YEATS2: variants seen among roughly 807,000 people sequenced by gnomAD.
YEATS2 encodes the protein YEATS domain containing 2.
In YEATS2, 77 loss-of-function variants were observed where a neutral mutation model predicts 163.2. That is an observed-to-expected ratio of 0.47 (90% CI 0.39 to 0.57). The LOEUF is 0.57. Among genes scored for constraint, YEATS2 ranks in the 20% least tolerant of loss-of-function variants. The pLI, the probability that YEATS2 is intolerant of heterozygous loss-of-function variation, is 0.00. For missense variants in YEATS2, 1,549 were observed against 1,729.8 expected (o/e 0.90, Z 1.85); for synonymous variants, 631 against 645.1 (o/e 0.98, Z 0.33).
In YEATS2 at chr3:183,807,092, G is replaced by A; in HGVS notation, c.4011G>A (p.Lys1337=). The change falls in exon 28 of 31, where the codon AAG becomes AAA. Residue 1337 remains lysine, a splice_region_variant and synonymous_variant. Coordinates refer to ENST00000305135, the MANE Select transcript of YEATS2 (RefSeq NM_018023.5). ...GSEFIGDVTQ[K]IGITLQPVAL... ...AATTTATTGGGGATGTCACACAGAA[G>A]GTAGGGGTTGTGGTGTTAATAGTTC... 6.2e-7 allele frequency: 1 copy of A among 1,611,560 alleles called. No homozygotes were observed. The highest frequency in any genetic ancestry group is 1.1e-5 in the South Asian group (1 of 90,434).
intron 1 of YEATS2, among the ~76,000 whole-genome samples, chr3:183,714,177 A>AC (rs1715570712): frequency 6.6e-6 from 1 of 151,424 alleles, no homozygotes; most frequent in South Asian, 2.1e-4. Flanking sequence ...GAGACAGTAA[A>AC]GGTCTAGAGG....
intron 1 of YEATS2, among the ~76,000 whole-genome samples, chr3:183,714,439 G>A (rs568897885): frequency 2.7e-4 from 40 of 149,006 alleles, no homozygotes; most frequent in South Asian, 2.2e-3. Flanking sequence ...CTCGTGATCC[G>A]CCCACCTCGG....
At chr3:183,733,418 T>C (rs2109138693) in intron 7 of YEATS2, among the ~76,000 whole-genome samples, 1 of 152,342 alleles carries the variant, frequency 6.6e-6, no homozygotes, top group African/African-American at 2.4e-5. Flanking sequence ...GCCATTCAGG[T>C]TGTATTCTTT....
chr3:183,706,685 G>T (rs749258600), intron 1 of YEATS2, among the ~76,000 whole-genome samples: 1 of 152,116 alleles, frequency 6.6e-6, no homozygotes, highest in African/African-American at 2.4e-5. Flanking sequence ...GCGCGGTGGC[G>T]CATACTTGTA....
intron 19 of YEATS2, among the ~76,000 whole-genome samples, chr3:183,780,952 C>T (rs1337764956): frequency 2.0e-5 from 3 of 152,032 alleles, no homozygotes; most frequent in African/African-American, 4.8e-5. Context: ...CATTCTGTTA[C>T]TCAATAAAAA....
intron 19 of YEATS2, among the ~76,000 whole-genome samples, chr3:183,784,711 C>T (rs778540466): frequency 6.6e-6 from 1 of 151,130 alleles, no homozygotes; most frequent in African/African-American, 2.4e-5. Flanking sequence ...ACGCTGTAAT[C>T]GTAGAGCCGA....
chr3:183,742,373 G>C (rs768523425), intron 8 of YEATS2, among the ~76,000 whole-genome samples: 1 of 152,142 alleles, frequency 6.6e-6, no homozygotes, highest in Admixed American at 6.6e-5. Context: ...ATTCATGAGA[G>C]GAGGTCAGAG....
intron 9 of YEATS2, 48 bp from the exon 10 acceptor site, chr3:183,752,025 T>C: frequency 6.2e-7 from 1 of 1,602,006 alleles, no homozygotes; most frequent in Non-Finnish European, 8.5e-7. Flanking sequence ...GAGCTTTCTG[T>C]GACATTGATG....
At chr3:183,753,641 C>T (rs764570926) in intron 10 of YEATS2, among the ~76,000 whole-genome samples, 3 of 152,082 alleles carry the variant, frequency 2.0e-5, no homozygotes, top group African/African-American at 4.8e-5. Context: ...CCAGCTATTC[C>T]GGAGGCTGAG....
rs1302118914 is a variant in YEATS2, at chr3:183,728,624, CTTAA to C, written c.651-62_651-59del. 14 of 1,403,252 alleles carry C rather than the reference CTTAA, an allele frequency of 1.0e-5. No individual in the cohort carries two copies. In the East Asian group the frequency reaches 2.0e-4, roughly 20 times the overall value. 86.9% of individuals were successfully genotyped at this position (1,403,252 alleles called of 1,614,324 possible). On this transcript the variant is annotated intron_variant, in intron 6 of 30. Coordinates refer to ENST00000305135, the MANE Select transcript of YEATS2 (RefSeq NM_018023.5). ...ACCTTGTTTTTAAGTTTAAGTAGGA[CTTAA>C]TTATTTAGTTAGGTTTTTGAAGGAC...
intron 19 of YEATS2, among the ~76,000 whole-genome samples, chr3:183,778,643 G>A (rs533458448): frequency 2.0e-5 from 3 of 151,746 alleles, no homozygotes; most frequent in African/African-American, 2.4e-5. Context: ...GGCGTGATCC[G>A]CTCCTGGCCT....
chr3:183,808,509 C>T (rs4296621), intron 29 of YEATS2, among the ~76,000 whole-genome samples: 2 of 152,224 alleles, frequency 1.3e-5, no homozygotes, highest in South Asian at 4.1e-4. Flanking sequence ...TTCCTTTCCT[C>T]GTGGATCCTC....
intron 17 of YEATS2, among the ~76,000 whole-genome samples, chr3:183,775,697 T>C (rs527357490): frequency 1.1e-4 from 16 of 152,342 alleles, no homozygotes; most frequent in Non-Finnish European, 1.8e-4. Context: ...TACAGTCAGT[T>C]GTCATGCAGT....
intron 26 of YEATS2, 28 bp downstream of exon 26, chr3:183,803,363 G>T (rs1379157921): frequency 1.9e-6 from 3 of 1,594,102 alleles, no homozygotes; most frequent in African/African-American, 1.3e-5. Context: ...GTCCACTCTG[G>T]CTGCCTCCAG....
intron 1 of YEATS2, among the ~76,000 whole-genome samples, chr3:183,701,104 A>AG (rs1232154669): frequency 6.7e-6 from 1 of 148,822 alleles, no homozygotes; most frequent in Non-Finnish European, 1.5e-5. Flanking sequence ...TTTTTTGAGA[A>AG]GGAGTCTCGC....
rs74412722 is a variant in YEATS2 at position 183,801,713 on chromosome 3, G to A, written c.3502+185G>A. ...ATTCACATCCAGTTAGTTTTTTATT[G>A]TTTTCACTGTGTTGATCTGTAGAAG... On this transcript the variant is annotated intron_variant, in intron 25 of 30. Coordinates refer to ENST00000305135, the MANE Select transcript of YEATS2 (RefSeq NM_018023.5). The A allele has an allele frequency of 2.3e-3, 1,143 of 504,210 alleles. 7 individuals carry two copies. The highest frequency in any genetic ancestry group is 0.02 in the African/African-American group (1,030 of 50,778). 31.2% of individuals were successfully genotyped at this position (504,210 alleles called of 1,614,324 possible). A position where few individuals can be genotyped will look rare whatever the true frequency, so the allele number is the denominator to read the frequency against.
intron 6 of YEATS2, among the ~76,000 whole-genome samples, chr3:183,724,934 G>T (rs756946850): frequency 6.6e-6 from 1 of 151,786 alleles, no homozygotes; most frequent in African/African-American, 2.4e-5. Context: ...GTAGAGACGG[G>T]GTTTCTCCAT....
chr3:183,701,166 C>T (rs1714052077), intron 1 of YEATS2, among the ~76,000 whole-genome samples: 1 of 146,500 alleles, frequency 6.8e-6, no homozygotes, highest in Non-Finnish European at 1.5e-5. Flanking sequence ...TCTGCAAGCT[C>T]TGCCTCCCGG....
intron 6 of YEATS2, among the ~76,000 whole-genome samples, chr3:183,728,100 T>C (rs1052973294): frequency 4.6e-5 from 7 of 152,236 alleles, no homozygotes; most frequent in African/African-American, 1.7e-4. Context: ...GGTCTTGCTT[T>C]GTCACCTAGA....
Sources: allele counts gnomAD v4.1 joint callset (sites outside exome capture counted in the v4.1 genomes callset), GRCh38; gene constraint gnomAD v4.1.1; transcripts MANE v1.5; gene names NCBI Gene and HGNC (gene_info 2026-07-23, HGNC 2026-07-21).